DDX10: variants seen among roughly 807,000 people sequenced by gnomAD.
DDX10 encodes DEAD-box helicase 10, also known as probable ATP-dependent RNA helicase DDX10.
Under a neutral mutation model 104.3 loss-of-function variants are expected in DDX10, and 74 were observed. The ratio of observed to expected loss-of-function variants is 0.71; its 90% CI spans 0.59 to 0.86. The LOEUF (loss-of-function observed/expected upper bound fraction) is 0.86, where lower values mean the gene tolerates loss of function less well. Among genes scored for constraint, DDX10 ranks in the 40% least tolerant of loss-of-function variants. The pLI is 0.00. For synonymous variants in DDX10, 351 were observed against 353.4 expected (o/e 0.99, Z 0.08); for missense variants, 952 against 1,040.0 (o/e 0.92, Z 1.16).
chr11:108,721,317 ATGT>A (rs752063141), intron 12 of DDX10, among the ~76,000 whole-genome samples: 8 of 152,298 alleles, frequency 5.3e-5, no homozygotes, highest in Non-Finnish European at 8.8e-5. Flanking sequence ...CATGGATAAC[ATGT>A]TGTTGTTTGC....
At chr11:108,784,187 C>G (rs1041909865) in intron 13 of DDX10, among the ~76,000 whole-genome samples, 1 of 152,166 alleles carries the variant, frequency 6.6e-6, no homozygotes, top group Non-Finnish European at 1.5e-5. Flanking sequence ...GATTGCTGGG[C>G]TGAATGGTAG....
intron 13 of DDX10, among the ~76,000 whole-genome samples, chr11:108,783,179 G>A (rs1225079800): frequency 6.6e-6 from 1 of 152,044 alleles, no homozygotes; most frequent in East Asian, 1.9e-4. Flanking sequence ...ATTAGACTGT[G>A]AGCTTTTTAA....
At chr11:108,918,098 A>C (rs1251131186) in intron 17 of DDX10, 80 bp downstream of exon 17, 2 of 1,381,254 alleles carry the variant, frequency 1.4e-6, no homozygotes, top group Admixed American at 1.7e-5. Context: ...GACATTACTA[A>C]GAGTTCTACT....
intron 16 of DDX10, among the ~76,000 whole-genome samples, chr11:108,914,992 A>T (rs1591123858): frequency 6.6e-6 from 1 of 152,166 alleles, no homozygotes; most frequent in Non-Finnish European, 1.5e-5. Context: ...GGAATAGAAA[A>T]AAAAAATGAA....
intron 16 of DDX10, among the ~76,000 whole-genome samples, chr11:108,914,304 A>T (rs893981717): frequency 6.6e-6 from 1 of 152,216 alleles, no homozygotes; most frequent in African/African-American, 2.4e-5. Flanking sequence ...CACTTGAATA[A>T]TGTATTCTGC....
At chr11:108,815,800 G>A (rs1862247404) in intron 13 of DDX10, among the ~76,000 whole-genome samples, 1 of 151,982 alleles carries the variant, frequency 6.6e-6, no homozygotes, top group Non-Finnish European at 1.5e-5. Context: ...CCATTATATA[G>A]CTAAATTTTA....
At chr11:108,831,906 A>T (rs1862478647) in intron 13 of DDX10, among the ~76,000 whole-genome samples, 2 of 152,260 alleles carry the variant, frequency 1.3e-5, no homozygotes, top group African/African-American at 4.8e-5. Context: ...CTATCATAGG[A>T]CACTGAGAGT....
chr11:108,799,292 G>A (rs1010693140), intron 13 of DDX10, among the ~76,000 whole-genome samples: 5 of 152,082 alleles, frequency 3.3e-5, no homozygotes, highest in Admixed American at 2.0e-4. Flanking sequence ...TGGTTCACTC[G>A]TCACTCACTT....
chr11:108,692,001 A>G lies in DDX10; in HGVS notation c.1101A>G (p.Ala367=), dbSNP rs770758577. 1.2e-6 allele frequency: 2 copies of G among 1,613,704 alleles called. No homozygotes were observed. Among genetic ancestry groups the G allele is most frequent in the Non-Finnish European group, 1.7e-6 (2 of 1,179,842 alleles). The change falls in exon 8 of 18, where the codon GCA becomes GCG. Residue 367 remains alanine (A), a synonymous_variant. Coordinates refer to ENST00000322536, the MANE Select transcript of DDX10 (RefSeq NM_004398.4). ...ATGAGTTTGTCCGTAAGAGAGCTGC[A>G]GTACTCTTTGCTACTGATATTGCAG... ...VYNEFVRKRA[A]VLFATDIAAR...
At chr11:108,935,223 G>A (rs1864021893) in intron 17 of DDX10, among the ~76,000 whole-genome samples, 1 of 152,100 alleles carries the variant, frequency 6.6e-6, no homozygotes, top group Admixed American at 6.5e-5. Flanking sequence ...GGATAAGGGA[G>A]GTTTAGATAG....
At chr11:108,685,986 A>C (rs959866344) in intron 6 of DDX10, among the ~76,000 whole-genome samples, 1 of 152,236 alleles carries the variant, frequency 6.6e-6, no homozygotes, top group South Asian at 2.1e-4. Flanking sequence ...TTTAGTCATC[A>C]ACTTGATATA....
At chr11:108,880,777 A>C (rs1863217797) in intron 16 of DDX10, among the ~76,000 whole-genome samples, 1 of 152,170 alleles carries the variant, frequency 6.6e-6, no homozygotes, top group Non-Finnish European at 1.5e-5. Flanking sequence ...ACAGATGTGG[A>C]ATTTCCTATT....
chr11:108,742,732 A>G lies in DDX10; in HGVS notation c.1965+19270A>G, dbSNP rs112104276. Among the ~76,000 whole-genome samples, 166 of 152,346 alleles carry G rather than the reference A, an allele frequency of 1.1e-3. 1 individual carries two copies. Among genetic ancestry groups the G allele is most frequent in the African/African-American group, 3.9e-3 (163 of 41,596 alleles). On this transcript the variant is annotated intron_variant, in intron 13 of 17. Coordinates refer to ENST00000322536, the MANE Select transcript of DDX10 (RefSeq NM_004398.4). ...ACATTACCACTGACCCTACAGAGAT[A>G]CAAAAAACCCTTAGACTGTTATGTA...
At chr11:108,876,093 G>A (rs973467969) in intron 16 of DDX10, among the ~76,000 whole-genome samples, 7 of 152,048 alleles carry the variant, frequency 4.6e-5, no homozygotes, top group African/African-American at 1.7e-4. Context: ...ATATTAGGTC[G>A]AATCTTTAAA....
intron 17 of DDX10, among the ~76,000 whole-genome samples, chr11:108,935,898 T>C (rs534505299): frequency 1.8e-4 from 27 of 152,330 alleles, no homozygotes; most frequent in Non-Finnish European, 3.4e-4. Flanking sequence ...AGAAAGTTAA[T>C]ATTTCACATT....
At chr11:108,679,237 G>T in intron 5 of DDX10, 134 bp from the exon 6 acceptor site, 1 of 727,764 alleles carries the variant, frequency 1.4e-6, no homozygotes, top group Non-Finnish European at 2.2e-6. Context: ...ATAAATTCCA[G>T]ACTTTATTCA....
At chr11:108,806,242 C>T (rs540181103) in intron 13 of DDX10, among the ~76,000 whole-genome samples, 4 of 152,136 alleles carry the variant, frequency 2.6e-5, no homozygotes, top group Non-Finnish European at 5.9e-5. Context: ...GGATTATAGG[C>T]GTGAGCCACC....
intron 16 of DDX10, 55 bp from the exon 17 acceptor site, chr11:108,917,818 G>A (rs1863770137): frequency 6.3e-7 from 1 of 1,580,734 alleles, no homozygotes; most frequent in Non-Finnish European, 8.6e-7. Context: ...AATAAAACCT[G>A]ATTATTTATC....
intron 13 of DDX10, among the ~76,000 whole-genome samples, chr11:108,810,048 A>G (rs1862156796): frequency 6.6e-6 from 1 of 152,158 alleles, no homozygotes; most frequent in Non-Finnish European, 1.5e-5. Flanking sequence ...TCATTCATAA[A>G]TGTTTGAGTG....
Sources: gnomAD v4.1 joint callset for allele counts (sites outside exome capture counted in the v4.1 genomes callset) on GRCh38, gnomAD v4.1.1 for gene constraint, MANE v1.5 for transcripts, NCBI Gene and HGNC (gene_info 2026-07-23, HGNC 2026-07-21) for gene names.